Variants in ST3GAL2 observed in about 807,000 individuals in gnomAD.
The protein encoded by ST3GAL2 is CMP-N-acetylneuraminate-beta-galactosamide-alpha-2,3-sialyltransferase 2.
A neutral mutation model predicts 37.5 loss-of-function variants in ST3GAL2; 16 were observed. The ratio of observed to expected loss-of-function variants is 0.43; its 90% CI spans 0.29 to 0.65. The LOEUF is 0.65. Among genes scored for constraint, ST3GAL2 ranks in the 30% least tolerant of loss-of-function variants. The pLI is 0.17. For missense variants in ST3GAL2, 383 were observed against 487.8 expected (o/e 0.79, Z 2.02); for synonymous variants, 238 against 202.9 (o/e 1.17, Z -1.47).
Position 70,398,186 on chromosome 16 carries a change from T to C in ST3GAL2, c.339+6A>G. ...CAGATCCCTGGAAGGGAGCAGCAGC[T>C]CTTACCATCCACCACCTCTGGACGT... On this transcript the variant is annotated splice_donor_region_variant and intron_variant, in intron 2 of 6. Coordinates refer to ENST00000342907, the MANE Select transcript of ST3GAL2 (RefSeq NM_006927.4). The C allele has an allele frequency of 6.2e-7, 1 of 1,609,742 alleles. No individual in the cohort carries two copies. The highest frequency in any genetic ancestry group is 1.1e-5 in the South Asian group (1 of 90,988).
At position 70,382,898 on chromosome 16, in the gene ST3GAL2, G is replaced by T; in HGVS notation, c.786C>A (p.Phe262Leu). ...EKVQIYNPAFFKYIHDRWTEH... is the reference protein window; with the variant it reads ...EKVQIYNPAFLKYIHDRWTEH... ...CTGTCCACCTGTCGTGGATATACTT[G>T]AAGAAGGCTGGGTTGTAGATCTGGA... The change falls in exon 6 of 7, where the codon TTC becomes TTA. Residue 262 changes from phenylalanine to leucine, a missense_variant. This residue lies in a region of ST3GAL2 where 160 missense variants were observed against 248.6 expected (regional missense o/e 0.64). Coordinates refer to ENST00000342907, the MANE Select transcript of ST3GAL2 (RefSeq NM_006927.4). 1 of 1,613,896 alleles carries T rather than the reference G, an allele frequency of 6.2e-7. No homozygotes were observed. Among genetic ancestry groups the T allele is most frequent in the South Asian group, 1.1e-5 (1 of 91,034 alleles).
At chr16:70,413,585 A>AC (rs2047654535) in intron 1 of ST3GAL2, among the ~76,000 whole-genome samples, 1 of 146,980 alleles carries the variant, frequency 6.8e-6, no homozygotes, top group African/African-American at 2.6e-5. Context: ...AAAAAAAAAA[A>AC]ATTAGCCAGG....
At chr16:70,408,090 C>G (rs186733133) in intron 1 of ST3GAL2, among the ~76,000 whole-genome samples, 1 of 152,058 alleles carries the variant, frequency 6.6e-6, no homozygotes. Context: ...TCCAATGGAC[C>G]GATGCTTTAT....
chr16:70,401,891 G>C (rs1296894212), intron 1 of ST3GAL2, among the ~76,000 whole-genome samples: 1 of 151,534 alleles, frequency 6.6e-6, no homozygotes, highest in Non-Finnish European at 1.5e-5. Context: ...CTATGCAGGA[G>C]GCTTAGGCAG....
At chr16:70,427,319 G>GCCCCTCAAA (rs1376035022) in intron 1 of ST3GAL2, among the ~76,000 whole-genome samples, 27 of 147,914 alleles carry the variant, frequency 1.8e-4, no homozygotes, top group African/African-American at 6.8e-4. Context: ...AGCCCCTCAA[G>GCCCCTCAAA]CCCCTCAAAC....
At chr16:70,410,992 C>T (rs561973514) in intron 1 of ST3GAL2, among the ~76,000 whole-genome samples, 3 of 152,246 alleles carry the variant, frequency 2.0e-5, no homozygotes, top group East Asian at 3.9e-4. Context: ...CACAGCAAGC[C>T]TGTCCCTTTT....
chr16:70,436,686 G>A (rs2047827740), intron 1 of ST3GAL2, among the ~76,000 whole-genome samples: 1 of 151,924 alleles, frequency 6.6e-6, no homozygotes, highest in East Asian at 1.9e-4. Flanking sequence ...CAAATGTGAA[G>A]AATCCTTCCC....
chr16:70,422,034 G>A (rs2047718410), intron 1 of ST3GAL2, among the ~76,000 whole-genome samples: 1 of 152,180 alleles, frequency 6.6e-6, no homozygotes, highest in South Asian at 2.1e-4. Flanking sequence ...CGAAAGTGCT[G>A]GAATTACGGG....
chr16:70,426,181 CT>C (rs56342720), intron 1 of ST3GAL2, among the ~76,000 whole-genome samples: 444 of 99,460 alleles, frequency 4.5e-3, no homozygotes, highest in African/African-American at 0.012. Flanking sequence ...GGGCCAAAGC[CT>C]TTTTTTTTTT....
At chr16:70,405,540 TAAAAAAAA>T (rs58998342) in intron 1 of ST3GAL2, among the ~76,000 whole-genome samples, 56,247 of 100,906 alleles carry the variant, frequency 0.56, 13,284 homozygotes, top group Non-Finnish European at 0.58. Context: ...GACTCCGTCT[TAAAAAAAA>T]AAAAAAAAAA....
intron 1 of ST3GAL2, chr16:70,423,066 A>C (rs1227071057): frequency 6.6e-6 from 1 of 152,350 alleles, no homozygotes; most frequent in African/African-American, 2.4e-5. Flanking sequence ...CCATGTCCTC[A>C]TCCCAGTGCC....
At chr16:70,423,155 C>G (rs1196978525) in intron 1 of ST3GAL2, 2 of 152,240 alleles carry the variant, frequency 1.3e-5, no homozygotes, top group African/African-American at 4.8e-5. Flanking sequence ...TTTCCTAACA[C>G]CAGCTATCAC....
intron 1 of ST3GAL2, among the ~76,000 whole-genome samples, chr16:70,428,866 T>C (rs992909020): frequency 1.3e-5 from 2 of 152,084 alleles, no homozygotes; most frequent in African/African-American, 4.8e-5. Flanking sequence ...CCACCCTGGC[T>C]TTGGGGAAAA....
rs2047404832 is a variant in ST3GAL2 at position 70,381,551 on chromosome 16, C to G, written c.*138G>C. The G allele has an allele frequency of 1.9e-6, 2 of 1,063,728 alleles. No homozygotes were observed. Among genetic ancestry groups the G allele is most frequent in the Admixed American group, 5.6e-5 (2 of 35,412 alleles). The allele number at this position is 1,063,728 out of a possible 1,614,324, so 65.9% of individuals were successfully genotyped here. ...AGATTGGTGCCAGGCCCGGCCGGTC[C>G]CCCAGTCTCGTGATTGGCGGGGCAC... On this transcript the variant is annotated 3_prime_UTR_variant, in exon 7 of 7. Coordinates refer to ENST00000342907, the MANE Select transcript of ST3GAL2 (RefSeq NM_006927.4).
At chr16:70,409,221 T>A (rs1018421054) in intron 1 of ST3GAL2, among the ~76,000 whole-genome samples, 1 of 152,144 alleles carries the variant, frequency 6.6e-6, no homozygotes, top group Admixed American at 6.6e-5. Context: ...GATGATCGCT[T>A]CAGTCCAGGG....
intron 1 of ST3GAL2, among the ~76,000 whole-genome samples, chr16:70,426,501 T>C (rs2047752563): frequency 6.9e-6 from 1 of 144,828 alleles, no homozygotes; most frequent in South Asian, 2.2e-4. Context: ...CACCCGGCCC[T>C]CAGAAGTGTT....
Position 70,395,110 on chromosome 16 carries a change from C to G in ST3GAL2, c.405G>C (p.Val135=), listed in dbSNP as rs776624328. ...GGAAGCGGTAGGGGTTCTCGCCAGG[C>G]ACTATCTGGAACAGCTTCTCCAGCA... ...NEVLEKLFQI[V]PGENPYRFRD... is the part of the protein sequence containing the mutation. The change falls in exon 3 of 7, where the codon GTG becomes GTC. Residue 135 remains valine (V), a synonymous_variant. Coordinates refer to ENST00000342907, the MANE Select transcript of ST3GAL2 (RefSeq NM_006927.4). The G allele has an allele frequency of 3.1e-6, 5 of 1,613,844 alleles. No individual in the cohort carries two copies. The Admixed American group carries it at 8.3e-5, about 27-fold the overall frequency.
At chr16:70,382,733 T>C (rs1246570244) in intron 6 of ST3GAL2, 72 bp downstream of exon 6, 1 of 1,596,816 alleles carries the variant, frequency 6.3e-7, no homozygotes, top group Non-Finnish European at 8.5e-7. Flanking sequence ...TCTGTTAGCC[T>C]GCTAAGACCC....
chr16:70,386,612 C>T (rs1293929126), intron 4 of ST3GAL2, among the ~76,000 whole-genome samples: 1 of 152,048 alleles, frequency 6.6e-6, no homozygotes, highest in Non-Finnish European at 1.5e-5. Context: ...GCTGGGATTA[C>T]AGGCATGAAC....
Sources: allele counts gnomAD v4.1 joint callset (sites outside exome capture counted in the v4.1 genomes callset), GRCh38; gene constraint gnomAD v4.1.1; regional missense constraint gnomAD v4.1.1; transcripts MANE v1.5; gene names NCBI Gene and HGNC (gene_info 2026-07-23, HGNC 2026-07-21).